The following RIT2 variants were observed in gnomAD, a reference collection of about 807,000 sequenced individuals.
RIT2 encodes the protein GTP-binding protein Rit2.
RIT2 carries 24 observed loss-of-function variants against 23.7 expected under a neutral mutation model. The observed-to-expected ratio is 1.01, with a 90% CI of 0.73 to 1.43. The LOEUF is 1.43. Ranked by LOEUF, RIT2 falls within the 40% of genes most tolerant of loss-of-function variation. RIT2 has a pLI of 0.00. For missense variants in RIT2, 236 were observed against 266.9 expected, an observed-to-expected ratio of 0.88 and a Z score of 0.81; for synonymous variants, 107 against 91.1, an observed-to-expected ratio of 1.17 and a Z score of -0.99.
chr18:42,747,742 C>A (rs1051356399), intron 4 of RIT2, among the ~76,000 whole-genome samples: 1 of 151,976 alleles, frequency 6.6e-6, no homozygotes, highest in African/African-American at 2.4e-5. Context: ...CAAATACTAA[C>A]AGCCAAGAGA....
chr18:42,891,577 C>A (rs998365507), intron 4 of RIT2, among the ~76,000 whole-genome samples: 2 of 152,060 alleles, frequency 1.3e-5, no homozygotes, highest in African/African-American at 4.8e-5. Context: ...AAAAAATGAG[C>A]TATCAAGCCA....
chr18:42,904,341 G>A (rs887577390), intron 4 of RIT2, among the ~76,000 whole-genome samples: 1 of 152,110 alleles, frequency 6.6e-6, no homozygotes, highest in Non-Finnish European at 1.5e-5. Flanking sequence ...AATGAGTCAG[G>A]ACAGATGCCG....
intron 2 of RIT2, among the ~76,000 whole-genome samples, chr18:43,010,302 T>G (rs1911322550): frequency 6.6e-6 from 1 of 151,812 alleles, no homozygotes; most frequent in African/African-American, 2.4e-5. Context: ...TAAAAATGGC[T>G]TCATAATGAA....
chr18:43,032,094 A>G (rs954286149), intron 2 of RIT2, among the ~76,000 whole-genome samples: 3 of 152,114 alleles, frequency 2.0e-5, no homozygotes, highest in Non-Finnish European at 2.9e-5. Flanking sequence ...AAAGTACTCT[A>G]TGTTTCCATT....
chr18:42,850,730 A>G (rs78693135), intron 4 of RIT2, among the ~76,000 whole-genome samples: 15,927 of 152,250 alleles, frequency 0.1, 962 homozygotes, highest in Middle Eastern at 0.24. Context: ...GCAAAACCAC[A>G]TAAAGTTTTC....
intron 2 of RIT2, among the ~76,000 whole-genome samples, chr18:42,999,841 A>C (rs1048109017): frequency 5.3e-5 from 8 of 152,090 alleles, no homozygotes; most frequent in African/African-American, 1.4e-4. Flanking sequence ...GACCTCTTTG[A>C]CTTCTTATTT....
chr18:42,927,304 A>G (rs991090899), intron 3 of RIT2, among the ~76,000 whole-genome samples: 1 of 151,644 alleles, frequency 6.6e-6, no homozygotes, highest in African/African-American at 2.4e-5. Context: ...AGGATATTTT[A>G]ACTTAGATGA....
chr18:42,977,163 T>C (rs1414683552), intron 2 of RIT2, among the ~76,000 whole-genome samples: 1 of 152,078 alleles, frequency 6.6e-6, no homozygotes, highest in East Asian at 1.9e-4. Context: ...GATAAAGCTC[T>C]AAGGCTCTTC....
chr18:42,881,608 A>C (rs1055746991), intron 4 of RIT2, among the ~76,000 whole-genome samples: 1 of 152,166 alleles, frequency 6.6e-6, no homozygotes, highest in Non-Finnish European at 1.5e-5. Context: ...GAAATTGTTC[A>C]TGCTTTTTCC....
In RIT2 at chr18:43,055,404, C is replaced by A. The variant is rs371898096; in HGVS notation, c.104-21537G>T. Among the ~76,000 whole-genome samples the A allele has an allele frequency of 1.6e-4, 25 of 152,136 alleles. No homozygotes were observed. In the South Asian group the frequency reaches 3.1e-3, roughly 19 times the overall value. On this transcript the variant is annotated intron_variant, in intron 1 of 4. Transcript: ENST00000326695. ...GGAAATTATGGTTGTGGGTGCGTGA[C>A]AACTCTGTATCAAAAGCTGAATTAG...
chr18:42,969,756 G>A (rs560382129), intron 3 of RIT2, among the ~76,000 whole-genome samples: 1 of 151,492 alleles, frequency 6.6e-6, no homozygotes, highest in Non-Finnish European at 1.5e-5. Flanking sequence ...CATTTATAAA[G>A]TAAACATGAT....
At chr18:42,792,230 TC>T (rs1914060286) in intron 4 of RIT2, among the ~76,000 whole-genome samples, 1 of 152,224 alleles carries the variant, frequency 6.6e-6, no homozygotes. Context: ...TTTTTTCCTC[TC>T]CTTAATTCAA....
chr18:43,107,990 C>T (rs190904744), intron 1 of RIT2, among the ~76,000 whole-genome samples: 159 of 134,862 alleles, frequency 1.2e-3, no homozygotes, highest in African/African-American at 4.1e-3. Context: ...GGTGATACCC[C>T]GTCTCTACTA....
intron 4 of RIT2, among the ~76,000 whole-genome samples, chr18:42,858,642 T>G (rs1219847022): frequency 2.0e-5 from 3 of 152,242 alleles, no homozygotes; most frequent in Non-Finnish European, 4.4e-5. Context: ...CAACACTATG[T>G]AATTTTAGAA....
chr18:42,896,115 T>C (rs560896060), intron 4 of RIT2, among the ~76,000 whole-genome samples: 3 of 152,136 alleles, frequency 2.0e-5, no homozygotes, highest in African/African-American at 7.2e-5. Flanking sequence ...AATACAAAAA[T>C]TAGCTAGGCG....
chr18:42,916,239 A>C (rs1908906844), intron 4 of RIT2, among the ~76,000 whole-genome samples: 1 of 152,102 alleles, frequency 6.6e-6, no homozygotes, highest in East Asian at 1.9e-4. Flanking sequence ...GTTTGGGGAC[A>C]ACATTTTGAG....
intron 1 of RIT2, among the ~76,000 whole-genome samples, chr18:43,064,440 A>G (rs1482625280): frequency 1.3e-5 from 2 of 152,162 alleles, no homozygotes; most frequent in African/African-American, 4.8e-5. Context: ...TTCTTTTTAC[A>G]TCCTATTACT....
chr18:43,102,973 CTTAA>C (rs1913724169), intron 1 of RIT2, among the ~76,000 whole-genome samples: 1 of 152,040 alleles, frequency 6.6e-6, no homozygotes, highest in Non-Finnish European at 1.5e-5. Context: ...GCATTTATAT[CTTAA>C]TTGTTTGTGA....
chr18:42,974,423 G>A (rs923122104), intron 2 of RIT2, among the ~76,000 whole-genome samples: 2 of 152,010 alleles, frequency 1.3e-5, no homozygotes, highest in African/African-American at 2.4e-5. Context: ...TGGAACAAAT[G>A]TTATTCGTTC....
Sources: allele counts gnomAD v4.1 joint callset (sites outside exome capture counted in the v4.1 genomes callset), GRCh38; gene constraint gnomAD v4.1.1; transcripts MANE v1.5; gene names NCBI Gene and HGNC (gene_info 2026-07-23, HGNC 2026-07-21).